SIPA1L3: variants seen among roughly 807,000 people sequenced by gnomAD.
SIPA1L3 encodes signal induced proliferation associated 1 like 3.
Under a neutral mutation model 150.1 loss-of-function variants are expected in SIPA1L3, and 59 were observed. The observed-to-expected ratio is 0.39, with a 90% CI of 0.32 to 0.49. SIPA1L3 has a LOEUF of 0.49. Ranked by LOEUF, SIPA1L3 falls within the 20% of genes least tolerant of loss-of-function variation. SIPA1L3 has a pLI of 0.86. For missense variants in SIPA1L3, 2,211 were observed against 2,489.5 expected, an observed-to-expected ratio of 0.89 and a Z score of 2.38; for synonymous variants, 1,070 against 1,077.6, an observed-to-expected ratio of 0.99 and a Z score of 0.14.
Position 38,182,596 on chromosome 19 carries a change from T to A in SIPA1L3, c.4286T>A (p.Leu1429Gln). 6.2e-7 allele frequency: 1 copy of A among 1,614,186 alleles called. No homozygotes were observed. The highest frequency in any genetic ancestry group is 8.5e-7 in the Non-Finnish European group (1 of 1,180,014). Residue 1429 changes from leucine to glutamine, a missense_variant, in exon 16 of 22, where the codon CTG becomes CAG. Around this residue, in one of 5 missense-constraint regions of SIPA1L3, gnomAD observed 806 missense variants for 870.1 expected, o/e 0.93. Coordinates refer to ENST00000222345, the MANE Select transcript of SIPA1L3 (RefSeq NM_015073.3). ...GCAGAGACTCCTCGGCCCTCCCAGC[T>A]GGCCCAGCCCAGCCCCTTTCAGCTC... ...ASAETPRPSQ[L>Q]AQPSPFQLSA...
intron 2 of SIPA1L3, among the ~76,000 whole-genome samples, chr19:38,050,494 A>G (rs139246653): frequency 2.4e-4 from 37 of 152,320 alleles, no homozygotes; most frequent in African/African-American, 8.7e-4. Flanking sequence ...CCTAACACAT[A>G]TGTGATCTGA....
chr19:37,953,060 A>C (rs2046778913), intron 1 of SIPA1L3, among the ~76,000 whole-genome samples: 1 of 152,092 alleles, frequency 6.6e-6, no homozygotes, highest in Admixed American at 6.5e-5. Context: ...GTCTGTACTA[A>C]AAATACAAAA....
intron 13 of SIPA1L3, among the ~76,000 whole-genome samples, chr19:38,154,079 T>A (rs937776491): frequency 3.3e-5 from 5 of 152,204 alleles, no homozygotes; most frequent in African/African-American, 1.2e-4. Context: ...AGGAACCCTG[T>A]CCTACTTCTC....
chr19:37,966,639 G>C (rs2046906642), intron 1 of SIPA1L3, among the ~76,000 whole-genome samples: 1 of 152,122 alleles, frequency 6.6e-6, no homozygotes, highest in Non-Finnish European at 1.5e-5. Flanking sequence ...AGGTGATTTT[G>C]ATCCGCCTCC....
intron 9 of SIPA1L3, among the ~76,000 whole-genome samples, chr19:38,126,593 A>G (rs1971179106): frequency 1.3e-5 from 2 of 150,958 alleles, no homozygotes; most frequent in South Asian, 4.2e-4. Flanking sequence ...CTGGAGTGCC[A>G]TGGTGCAATC....
intron 3 of SIPA1L3, among the ~76,000 whole-genome samples, chr19:38,086,603 A>C (rs929048980): frequency 6.6e-6 from 1 of 152,198 alleles, no homozygotes; most frequent in African/African-American, 2.4e-5. Context: ...GGATCGCTTC[A>C]GCCCTAGAGG....
chr19:37,953,402 G>A (rs1393706685), intron 1 of SIPA1L3, among the ~76,000 whole-genome samples: 1 of 152,204 alleles, frequency 6.6e-6, no homozygotes, highest in African/African-American at 2.4e-5. Context: ...ACTTTGGAAA[G>A]AGCTGGATAG....
chr19:38,160,269 C>T (rs749711099), intron 13 of SIPA1L3, among the ~76,000 whole-genome samples: 3 of 152,154 alleles, frequency 2.0e-5, no homozygotes, highest in Non-Finnish European at 2.9e-5. Context: ...CCATCTTGGC[C>T]TCCCAAAGTG....
At chr19:37,958,464 T>G (rs1278760710) in intron 1 of SIPA1L3, among the ~76,000 whole-genome samples, 1 of 152,096 alleles carries the variant, frequency 6.6e-6, no homozygotes, top group Non-Finnish European at 1.5e-5. Context: ...TATCTACATG[T>G]GAAAGAATGA....
chr19:37,993,480 C>T (rs833907), intron 1 of SIPA1L3, among the ~76,000 whole-genome samples: 113,352 of 152,128 alleles, frequency 0.75, 42,503 homozygotes, highest in East Asian at 0.97. Context: ...TATAGGTGCA[C>T]GCCACCATGC....
chr19:38,138,019 T>C (rs1600121773), intron 10 of SIPA1L3, among the ~76,000 whole-genome samples: 1 of 152,160 alleles, frequency 6.6e-6, no homozygotes, highest in East Asian at 1.9e-4. Context: ...TAGTCCCAGC[T>C]ACTCAGGAGG....
At chr19:38,104,851 G>A (rs12984380) in intron 6 of SIPA1L3, among the ~76,000 whole-genome samples, 55,514 of 151,466 alleles carry the variant, frequency 0.37, 11,386 homozygotes, top group East Asian at 0.62. Context: ...GATTACAGGT[G>A]TGAGCCACCG....
intron 2 of SIPA1L3, among the ~76,000 whole-genome samples, chr19:38,069,666 T>A (rs1408824475): frequency 6.6e-6 from 1 of 151,944 alleles, no homozygotes; most frequent in Non-Finnish European, 1.5e-5. Flanking sequence ...ATATTTTTTT[T>A]TATTTTTTAT....
intron 6 of SIPA1L3, among the ~76,000 whole-genome samples, chr19:38,105,579 T>C (rs1970604123): frequency 6.6e-6 from 1 of 152,142 alleles, no homozygotes; most frequent in Admixed American, 6.6e-5. Flanking sequence ...ATGATAACCA[T>C]TTCTTTGCTT....
intron 9 of SIPA1L3, among the ~76,000 whole-genome samples, chr19:38,123,721 C>T (rs1323905672): frequency 2.0e-5 from 3 of 152,200 alleles, no homozygotes; most frequent in Admixed American, 2.0e-4. Flanking sequence ...ACCTTTCCCC[C>T]CTTTCTATTC....
intron 1 of SIPA1L3, among the ~76,000 whole-genome samples, chr19:37,982,768 A>C (rs994934197): frequency 1.3e-5 from 2 of 152,134 alleles, no homozygotes; most frequent in African/African-American, 4.8e-5. Context: ...GGTGCTTATG[A>C]ATGTGGCTGT....
intron 1 of SIPA1L3, among the ~76,000 whole-genome samples, chr19:37,949,398 ACT>A (rs767417161): frequency 8.6e-5 from 13 of 152,044 alleles, no homozygotes; most frequent in Non-Finnish European, 1.5e-4. Flanking sequence ...AGGCACAGTG[ACT>A]CACACCTGTA....
In SIPA1L3 at chr19:37,972,534, C is replaced by T. The variant is rs546696600; in HGVS notation, c.-378-56555C>T. 9.3e-4 allele frequency among the ~76,000 whole-genome samples: 141 copies of T among 152,044 alleles called. 1 individual carries two copies. The highest frequency in any genetic ancestry group is 1.6e-3 in the Non-Finnish European group (111 of 68,026). ...CTTGGGCAGCATACTGAAGCCCCAT[C>T]TCTACAAAAAATTTAAAAACTTAGC... is the stretch of plus-strand genomic sequence containing the variant. On this transcript the variant is annotated intron_variant, in intron 1 of 21. Coordinates refer to ENST00000222345, the MANE Select transcript of SIPA1L3 (RefSeq NM_015073.3).
rs1386611768 is a variant in SIPA1L3 at position 37,994,677 on chromosome 19, T to C, written c.-378-34412T>C. On this transcript the variant is annotated intron_variant, in intron 1 of 21. Transcript: ENST00000222345. ...GGATGTGAGAGCTGTGGAATGGCCTTGAGCAGCTACCTGTGATAGTGGTAA... is the reference window on the plus strand; with the variant it reads ...GGATGTGAGAGCTGTGGAATGGCCTCGAGCAGCTACCTGTGATAGTGGTAA... Among the ~76,000 whole-genome samples the C allele has an allele frequency of 2.0e-5, 3 of 152,218 alleles. No individual in the cohort carries two copies. The East Asian group carries it at 5.8e-4, about 29-fold the overall frequency.
Sources: allele counts gnomAD v4.1 joint callset (sites outside exome capture counted in the v4.1 genomes callset), GRCh38; gene constraint gnomAD v4.1.1; regional missense constraint gnomAD v4.1.1; transcripts MANE v1.5; gene names NCBI Gene and HGNC (gene_info 2026-07-23, HGNC 2026-07-21).